Variants in GPC6 observed in about 807,000 individuals in gnomAD.
The protein encoded by GPC6 is glypican-6.
Under a neutral mutation model 55.2 loss-of-function variants are expected in GPC6, and 14 were observed. The observed-to-expected ratio is 0.25, with a 90% confidence interval of 0.17 to 0.40. GPC6 has a LOEUF of 0.40. GPC6 is among the 10% of genes least tolerant of loss of function. The pLI is 1.00. For missense variants in GPC6, 641 were observed against 708.5 expected, an observed-to-expected ratio of 0.90 and a Z score of 1.08; for synonymous variants, 278 against 259.6, an observed-to-expected ratio of 1.07 and a Z score of -0.68.
intron 6 of GPC6, among the ~76,000 whole-genome samples, chr13:94,356,555 G>A (rs1246544845): frequency 3.3e-5 from 5 of 152,176 alleles, no homozygotes; most frequent in Admixed American, 1.3e-4. Context: ...AACTCAGCTC[G>A]CTTCTCTAAT....
intron 2 of GPC6, among the ~76,000 whole-genome samples, chr13:93,761,925 C>G (rs892528435): frequency 6.6e-6 from 1 of 151,966 alleles, no homozygotes; most frequent in Admixed American, 6.6e-5. Flanking sequence ...TATTATTAAC[C>G]ATAGTTGCCA....
chr13:93,396,821 T>G (rs2892657), intron 1 of GPC6, among the ~76,000 whole-genome samples: 35,525 of 151,984 alleles, frequency 0.23, 4,120 homozygotes, highest in African/African-American at 0.25. Context: ...GATCACATCA[T>G]ATGTACTCCC....
intron 2 of GPC6, 107 bp downstream of exon 2, chr13:93,545,528 C>T: frequency 3.3e-6 from 3 of 921,312 alleles, no homozygotes; most frequent in Admixed American, 3.5e-5. Context: ...TTCTATCCCT[C>T]TTAAATATTT....
chr13:93,341,492 T>A (rs1880253206), intron 1 of GPC6, among the ~76,000 whole-genome samples: 1 of 152,208 alleles, frequency 6.6e-6, no homozygotes, highest in Non-Finnish European at 1.5e-5. Context: ...ATATCCCTGA[T>A]GATTAGTGAT....
At chr13:93,760,618 T>A (rs534165006) in intron 2 of GPC6, among the ~76,000 whole-genome samples, 2 of 152,242 alleles carry the variant, frequency 1.3e-5, no homozygotes, top group Non-Finnish European at 2.9e-5. Context: ...TCAATTGTAT[T>A]CTCAACAAGG....
At chr13:93,547,197 T>A (rs201766407) in intron 2 of GPC6, among the ~76,000 whole-genome samples, 160 of 93,052 alleles carry the variant, frequency 1.7e-3, no homozygotes, top group East Asian at 4.0e-3. Context: ...AAAAAAAAAA[T>A]TAGCTGGGCG....
At chr13:94,050,663 G>C (rs1033295032) in intron 4 of GPC6, among the ~76,000 whole-genome samples, 1 of 152,144 alleles carries the variant, frequency 6.6e-6, no homozygotes, top group Non-Finnish European at 1.5e-5. Flanking sequence ...TAAGGTGCCA[G>C]GATGGCCTTC....
At chr13:93,503,554 C>T (rs1319955813) in intron 1 of GPC6, among the ~76,000 whole-genome samples, 2 of 152,144 alleles carry the variant, frequency 1.3e-5, no homozygotes, top group Non-Finnish European at 2.9e-5. Flanking sequence ...GACTCCTGCT[C>T]TTAGATAGCA....
At chr13:93,595,661 A>G (rs1877695457) in intron 2 of GPC6, among the ~76,000 whole-genome samples, 7 of 152,278 alleles carry the variant, frequency 4.6e-5, no homozygotes, top group Admixed American at 1.3e-4. Context: ...CTGATTGTAC[A>G]TAAAAAGATG....
chr13:94,337,638 G>GTGTT (rs1877786255), intron 6 of GPC6, among the ~76,000 whole-genome samples: 1 of 152,006 alleles, frequency 6.6e-6, no homozygotes, highest in Non-Finnish European at 1.5e-5. Flanking sequence ...GGCAGAGACA[G>GTGTT]TGTTTCATCA....
intron 2 of GPC6, among the ~76,000 whole-genome samples, chr13:93,789,178 G>C (rs374190755): frequency 1.3e-5 from 2 of 152,054 alleles, no homozygotes; most frequent in Non-Finnish European, 2.9e-5. Flanking sequence ...GCTCTGCTTC[G>C]TCTCTTTTAT....
chr13:93,719,826 A>G (rs1048971507), intron 2 of GPC6, among the ~76,000 whole-genome samples: 1 of 152,222 alleles, frequency 6.6e-6, no homozygotes, highest in African/African-American at 2.4e-5. Context: ...CCTTTTCTGC[A>G]TCTATTGAGA....
intron 3 of GPC6, among the ~76,000 whole-genome samples, chr13:93,949,791 G>A (rs4771885): frequency 0.77 from 117,256 of 152,026 alleles, 45,393 homozygotes; most frequent in South Asian, 0.81. Flanking sequence ...GCAGTGGTGC[G>A]ATCATGGCTC....
chr13:93,995,620 GAACTTA>G (rs1881508730), intron 3 of GPC6, among the ~76,000 whole-genome samples: 1 of 152,102 alleles, frequency 6.6e-6, no homozygotes, highest in African/African-American at 2.4e-5. Flanking sequence ...AGGTACTAGT[GAACTTA>G]AACTTCAGTA....
rs758790572 is a variant in GPC6, at chr13:94,027,815, C to T, written c.798C>T (p.Cys266=). Residue 266 remains cysteine, a synonymous_variant, in exon 4 of 9, where the codon TGC becomes TGT. Coordinates refer to ENST00000377047, the MANE Select transcript of GPC6 (RefSeq NM_005708.5). ...GGGGGCTTCCCACTGTGAGGCCCTG[C>T]AACAACTACTGTCTCAACGTCATGA... ...YCRGLPTVRP[C]NNYCLNVMKG... The T allele has an allele frequency of 1.9e-6, 3 of 1,613,790 alleles. No homozygotes were observed. Among genetic ancestry groups the T allele is most frequent in the Non-Finnish European group, 2.5e-6 (3 of 1,179,830 alleles).
At chr13:94,105,854 G>A (rs537087800) in intron 4 of GPC6, among the ~76,000 whole-genome samples, 1 of 152,268 alleles carries the variant, frequency 6.6e-6, no homozygotes, top group South Asian at 2.1e-4. Context: ...AACCCAGTGG[G>A]TGTTAATGCC....
intron 2 of GPC6, among the ~76,000 whole-genome samples, chr13:93,817,983 T>C (rs1886919067): frequency 6.8e-6 from 1 of 147,730 alleles, no homozygotes; most frequent in Non-Finnish European, 1.5e-5. Flanking sequence ...AATATATAAG[T>C]ATATATAAAA....
intron 1 of GPC6, among the ~76,000 whole-genome samples, chr13:93,468,597 C>A (rs1878998279): frequency 6.6e-6 from 1 of 152,004 alleles, no homozygotes; most frequent in Non-Finnish European, 1.5e-5. Flanking sequence ...GTGAGGCTTA[C>A]ATTCACAGCA....
intron 4 of GPC6, among the ~76,000 whole-genome samples, chr13:94,067,916 T>G (rs1156335852): frequency 3.9e-5 from 6 of 152,202 alleles, no homozygotes; most frequent in African/African-American, 1.4e-4. Flanking sequence ...TGATCTAAGT[T>G]CACCTCAGAT....
Sources: gnomAD v4.1 joint callset for allele counts (sites outside exome capture counted in the v4.1 genomes callset) on GRCh38, gnomAD v4.1.1 for gene constraint, MANE v1.5 for transcripts, NCBI Gene and HGNC (gene_info 2026-07-23, HGNC 2026-07-21) for gene names.